The following ARFGEF2 variants were observed in gnomAD, a reference collection of about 807,000 sequenced individuals.
ARFGEF2 encodes brefeldin A-inhibited guanine nucleotide-exchange protein 2.
Under a neutral mutation model 219.9 loss-of-function variants are expected in ARFGEF2, and 74 were observed. The observed-to-expected ratio is 0.34, with a 90% confidence interval of 0.28 to 0.41. The LOEUF (loss-of-function observed/expected upper bound fraction) is 0.41. Among genes scored for constraint, ARFGEF2 ranks in the 10% least tolerant of loss-of-function variants. ARFGEF2 has a pLI of 1.00. For synonymous variants in ARFGEF2, 733 were observed against 799.2 expected (o/e 0.92, Z 1.40); for missense variants, 1,743 against 2,218.3 (o/e 0.79, Z 4.30).
Position 49,017,276 on chromosome 20 carries a change from C to A in ARFGEF2, c.4343C>A (p.Thr1448Lys). 6.2e-7 allele frequency: 1 copy of A among 1,613,962 alleles called. No individual in the cohort carries two copies. Among genetic ancestry groups the A allele is most frequent in the Non-Finnish European group, 8.5e-7 (1 of 1,179,946 alleles). Residue 1448 changes from threonine (T) to lysine (K), a missense_variant, in exon 32 of 39, where the codon ACA (threonine) becomes AAA (lysine). Thr to Lys is a moderately conservative substitution (Grantham distance 78). Around this residue, in one of 5 missense-constraint regions of ARFGEF2, gnomAD observed 578 missense variants for 664.0 expected, o/e 0.87. Coordinates refer to ENST00000371917, the MANE Select transcript of ARFGEF2 (RefSeq NM_006420.3). Reference protein sequence around the residue: ...QDNEQLARSGTNCLENLVISN... With the variant: ...QDNEQLARSGKNCLENLVISN... Reference sequence around the variant, plus strand: ...AATGAACAGTTGGCGCGATCAGGTACAAATTGCTTAGAAAACTTAGTAATA... The same window carrying A: ...AATGAACAGTTGGCGCGATCAGGTAAAAATTGCTTAGAAAACTTAGTAATA...
Position 48,989,306 on chromosome 20 carries a change from G to A in ARFGEF2, c.2555G>A (p.Arg852Gln), listed in dbSNP as rs1038146807. The A allele has an allele frequency of 3.1e-6, 5 of 1,613,944 alleles. No homozygotes were observed. The highest frequency in any genetic ancestry group is 1.7e-6 in the Non-Finnish European group (2 of 1,179,954). The change falls in exon 19 of 39, where the codon CGG (arginine) becomes CAG (glutamine). Residue 852 changes from arginine (R) to glutamine (Q), a missense_variant. Arg to Gln is a conservative substitution (Grantham distance 43). Around this residue, in one of 5 missense-constraint regions of ARFGEF2, gnomAD observed 666 missense variants for 955.4 expected, o/e 0.70. Transcript: ENST00000371917. ...TKQNVASEKQ[R>Q]RLLYNLEMEQ... is the part of the protein sequence containing the mutation. ...ACAGATGTAGCTAGTGAAAAGCAGCGGCGGCTGCTGTACAACTTAGAGATG... is the reference window on the plus strand; with the variant it reads ...ACAGATGTAGCTAGTGAAAAGCAGCAGCGGCTGCTGTACAACTTAGAGATG...
intron 1 of ARFGEF2, among the ~76,000 whole-genome samples, chr20:48,940,450 T>G (rs2090986462): frequency 1.3e-5 from 2 of 152,274 alleles, no homozygotes; most frequent in Admixed American, 6.5e-5. Flanking sequence ...TTCAATATTT[T>G]ATTGGTTTCA....
At chr20:48,967,452 T>A (rs1207524778) in intron 8 of ARFGEF2, among the ~76,000 whole-genome samples, 1 of 152,208 alleles carries the variant, frequency 6.6e-6, no homozygotes, top group Non-Finnish European at 1.5e-5. Flanking sequence ...TGCCTGCAAG[T>A]AGTATTGATG....
chr20:48,922,067 C>A, intron 1 of ARFGEF2, 57 bp downstream of exon 1: 4 of 1,539,248 alleles, frequency 2.6e-6, no homozygotes, highest in Non-Finnish European at 3.5e-6. Context: ...GGCCGTTGCC[C>A]TATCCTACTC....
intron 8 of ARFGEF2, among the ~76,000 whole-genome samples, chr20:48,966,511 C>T (rs2091188070): frequency 6.6e-6 from 1 of 152,120 alleles, no homozygotes; most frequent in South Asian, 2.1e-4. Flanking sequence ...GCTTTTTAAA[C>T]AATTTATATT....
chr20:48,953,422 T>C (rs1410383617), intron 5 of ARFGEF2, 134 bp from the exon 6 acceptor site: 12 of 812,088 alleles, frequency 1.5e-5, no homozygotes, highest in Non-Finnish European at 2.6e-5. Context: ...GAATTCCTGC[T>C]GCCTCAGCCT....
At chr20:49,011,831 ATG>A (rs147351722) in intron 27 of ARFGEF2, 91 bp from the exon 28 acceptor site, 59,754 of 834,056 alleles carry the variant, frequency 0.072, 1 homozygote, top group East Asian at 0.1. Context: ...TCTCTGATGT[ATG>A]TGTGTGTGTG....
chr20:48,928,801 C>T (rs1408135009), intron 1 of ARFGEF2, among the ~76,000 whole-genome samples: 1 of 152,234 alleles, frequency 6.6e-6, no homozygotes, highest in Non-Finnish European at 1.5e-5. Context: ...GCCGGTGTTG[C>T]AGTCTTTAAA....
intron 23 of ARFGEF2, among the ~76,000 whole-genome samples, chr20:48,996,188 G>A (rs953219072): frequency 6.6e-6 from 1 of 152,160 alleles, no homozygotes; most frequent in South Asian, 2.1e-4. Flanking sequence ...GCCTACCCAT[G>A]CTCACGCCTG....
intron 30 of ARFGEF2, among the ~76,000 whole-genome samples, chr20:49,015,444 A>C (rs1268629364): frequency 1.3e-5 from 2 of 152,228 alleles, no homozygotes; most frequent in Non-Finnish European, 2.9e-5. Context: ...AATAATGGCT[A>C]CAAAATAGTC....
chr20:48,952,965 A>G, intron 5 of ARFGEF2, 81 bp downstream of exon 5: 1 of 1,431,700 alleles, frequency 7.0e-7, no homozygotes, highest in Non-Finnish European at 9.8e-7. Flanking sequence ...GTGCCTGTGA[A>G]GAATCACTAG....
intron 14 of ARFGEF2, among the ~76,000 whole-genome samples, chr20:48,977,125 C>A (rs1044976809): frequency 3.9e-5 from 6 of 152,000 alleles, no homozygotes; most frequent in Non-Finnish European, 7.4e-5. Context: ...TATCCCTCCC[C>A]CTGCGCCCCA....
chr20:48,966,715 T>C (rs2091189732), intron 8 of ARFGEF2, among the ~76,000 whole-genome samples: 1 of 152,190 alleles, frequency 6.6e-6, no homozygotes, highest in Non-Finnish European at 1.5e-5. Context: ...TTATTGCCCC[T>C]TCCTCCAAGA....
rs756429771 is a variant in ARFGEF2 at position 48,952,902 on chromosome 20, C to G, written c.603+18C>G. The G allele has an allele frequency of 5.6e-6, 9 of 1,612,538 alleles. No homozygotes were observed. The highest frequency in any genetic ancestry group is 2.2e-5 in the East Asian group (1 of 44,890). ...ACCAAGTGGTGAGTGACAGCACTTA[C>G]GTGCTAGGGGCAAGACATCATTGCT... On this transcript the variant is annotated intron_variant, in intron 5 of 38. Transcript: ENST00000371917.
At chr20:49,008,908 G>A (rs1354103735) in intron 26 of ARFGEF2, among the ~76,000 whole-genome samples, 8 of 151,878 alleles carry the variant, frequency 5.3e-5, no homozygotes, top group South Asian at 2.1e-4. Context: ...GGGTTTCACC[G>A]TGTTGGCCAG....
chr20:49,013,540 C>T, intron 28 of ARFGEF2, 24 bp from the exon 29 acceptor site: 13 of 1,613,936 alleles, frequency 8.1e-6, no homozygotes, highest in Non-Finnish European at 1.1e-5. Context: ...TAGTTTACAC[C>T]TGAGATGTGA....
intron 34 of ARFGEF2, among the ~76,000 whole-genome samples, chr20:49,022,154 C>CAAAAA (rs58870256): frequency 2.8e-5 from 2 of 70,194 alleles, no homozygotes; most frequent in African/African-American, 1.0e-4. Flanking sequence ...GACTCCGTCT[C>CAAAAA]AAAAAAAAAA....
chr20:48,941,952 C>A lies in ARFGEF2; in HGVS notation c.241C>A (p.Pro81Thr). 1 of 1,614,142 alleles carries A rather than the reference C, an allele frequency of 6.2e-7. No individual in the cohort carries two copies. Among genetic ancestry groups the A allele is most frequent in the Non-Finnish European group, 8.5e-7 (1 of 1,180,026 alleles). Residue 81 changes from proline to threonine, a missense_variant, in exon 3 of 39, where the codon CCA becomes ACA. This residue lies in a region of ARFGEF2 where 394 missense variants were observed against 426.6 expected (regional missense o/e 0.92). Coordinates refer to ENST00000371917, the MANE Select transcript of ARFGEF2 (RefSeq NM_006420.3). ...PFELACQSKSPRVVSTSLDCL... is the reference protein window; with the variant it reads ...PFELACQSKSTRVVSTSLDCL... Reference sequence around the variant, plus strand: ...CGAGCTAGCTTGCCAGTCCAAGTCCCCAAGGGTAGTCAGCACATCCCTTGA... The same window carrying A: ...CGAGCTAGCTTGCCAGTCCAAGTCCACAAGGGTAGTCAGCACATCCCTTGA...
At chr20:48,941,055 A>C in intron 1 of ARFGEF2, 144 bp from the exon 2 acceptor site, 1 of 736,328 alleles carries the variant, frequency 1.4e-6, no homozygotes, top group Non-Finnish European at 2.4e-6. Context: ...TGTTACAATT[A>C]TTTCTTTCAC....
Sources: gnomAD v4.1 joint callset for allele counts (sites outside exome capture counted in the v4.1 genomes callset) on GRCh38, gnomAD v4.1.1 for gene constraint, gnomAD v4.1.1 regional missense constraint, MANE v1.5 for transcripts, NCBI Gene and HGNC (gene_info 2026-07-23, HGNC 2026-07-21) for gene names.